C12orf75: variants seen among roughly 807,000 people sequenced by gnomAD.
C12orf75 encodes the protein chromosome 12 open reading frame 75, also known as overexpressed in colon carcinoma 1 protein.
A neutral mutation model predicts 11.4 loss-of-function variants in C12orf75; 4 were observed. That is an observed-to-expected ratio of 0.35 (90% CI 0.17 to 0.80). The LOEUF is 0.80. C12orf75 is among the 30% of genes least tolerant of loss of function. C12orf75 has a pLI of 0.52. For missense variants in C12orf75, 89 were observed against 80.4 expected, an observed-to-expected ratio of 1.11 and a Z score of -0.41; for synonymous variants, 30 against 30.0, an observed-to-expected ratio of 1.00 and a Z score of 0.00.
intron 1 of C12orf75, among the ~76,000 whole-genome samples, chr12:105,339,556 T>C (rs1428728652): frequency 6.6e-6 from 1 of 152,194 alleles, no homozygotes; most frequent in Non-Finnish European, 1.5e-5. Context: ...CTAGAGTCTA[T>C]ATAGTATGGT....
In C12orf75 at chr12:105,359,137, A is replaced by G. The variant is rs1311649478; in HGVS notation, c.72-6670A>G. The stretch of plus-strand genomic sequence containing the variant: ...TGCGTCGGCACCAACGTTTGACTCC[A>G]TGGTTGTGAAATTGAAGAAGTCGTG... On this transcript the variant is annotated intron_variant, in intron 2 of 5. Coordinates refer to ENST00000443585, the MANE Select transcript of C12orf75 (RefSeq NM_001145199.2). 3.9e-5 allele frequency among the ~76,000 whole-genome samples: 6 copies of G among 152,136 alleles called. No homozygotes were observed. In the East Asian group the frequency reaches 7.7e-4, roughly 20 times the overall value.
chr12:105,368,721 C>G (rs11112492), intron 5 of C12orf75, among the ~76,000 whole-genome samples: 27,433 of 152,074 alleles, frequency 0.18, 2,737 homozygotes, highest in Non-Finnish European at 0.22. Flanking sequence ...AACAAACTTA[C>G]CTGCTAGAGA....
chr12:105,335,957 G>A (rs905534966), intron 1 of C12orf75, among the ~76,000 whole-genome samples: 6 of 152,264 alleles, frequency 3.9e-5, no homozygotes, highest in Admixed American at 1.3e-4. Flanking sequence ...GCAATTGAGT[G>A]AAGAAAATAG....
chr12:105,344,162 C>T (rs950623748), intron 1 of C12orf75, among the ~76,000 whole-genome samples: 2 of 152,208 alleles, frequency 1.3e-5, no homozygotes, highest in African/African-American at 4.8e-5. Flanking sequence ...GAATGCACAA[C>T]ATGTGGCCAT....
At chr12:105,363,714 ACT>A (rs1892905717) in intron 2 of C12orf75, among the ~76,000 whole-genome samples, 1 of 145,298 alleles carries the variant, frequency 6.9e-6, no homozygotes, top group Non-Finnish European at 1.5e-5. Flanking sequence ...ACAGAGCAAG[ACT>A]CTGTCTTAAT....
Position 105,370,819 on chromosome 12 carries a change from T to G in C12orf75, c.*219T>G. 2 of 408,350 alleles carry G rather than the reference T, an allele frequency of 4.9e-6. No individual in the cohort carries two copies. Among genetic ancestry groups the G allele is most frequent in the Non-Finnish European group, 1.0e-5 (2 of 199,606 alleles). 25.3% of individuals were successfully genotyped at this position (408,350 alleles called of 1,614,324 possible). A position where few individuals can be genotyped will look rare whatever the true frequency, so the allele number is the denominator to read the frequency against. On this transcript the variant is annotated 3_prime_UTR_variant, in exon 6 of 6. Transcript: ENST00000443585. ...GAATTGGTTAAACAGTACACTTGTTTATGGAACTTTCTGTGGCCACCTACG... is the reference window on the plus strand; with the variant it reads ...GAATTGGTTAAACAGTACACTTGTTGATGGAACTTTCTGTGGCCACCTACG...
intron 5 of C12orf75, among the ~76,000 whole-genome samples, chr12:105,368,894 G>C (rs747395115): frequency 4.7e-4 from 72 of 152,162 alleles, no homozygotes; most frequent in Non-Finnish European, 2.1e-4. Context: ...GAGGTCACTG[G>C]AGAGTTTCTA....
At chr12:105,344,002 T>A (rs1892605681) in intron 1 of C12orf75, among the ~76,000 whole-genome samples, 1 of 152,154 alleles carries the variant, frequency 6.6e-6, no homozygotes. Context: ...TTGACTTTGT[T>A]TTAAATGGTG....
intron 1 of C12orf75, among the ~76,000 whole-genome samples, chr12:105,346,823 G>A (rs1326066061): frequency 6.6e-6 from 1 of 152,162 alleles, no homozygotes; most frequent in Non-Finnish European, 1.5e-5. Flanking sequence ...TTACTTTGTA[G>A]CACATCTTCC....
rs566196213 is a variant in C12orf75 at position 105,343,213 on chromosome 12, A to G, written c.47-5389A>G. Among the ~76,000 whole-genome samples, 5 of 152,198 alleles carry G rather than the reference A, an allele frequency of 3.3e-5. No individual in the cohort carries two copies. In the South Asian group the frequency reaches 6.2e-4, roughly 19 times the overall value. ...CCCTCCAAATTATAATAGTCTCTCT[A>G]TATTTTTTGGTGTGTTTTTTTTCCC... is the stretch of plus-strand genomic sequence containing the variant. On this transcript the variant is annotated intron_variant, in intron 1 of 5. Coordinates refer to ENST00000443585, the MANE Select transcript of C12orf75 (RefSeq NM_001145199.2).
At chr12:105,350,513 A>G (rs1892698832) in intron 2 of C12orf75, among the ~76,000 whole-genome samples, 1 of 152,098 alleles carries the variant, frequency 6.6e-6, no homozygotes, top group South Asian at 2.1e-4. Context: ...TAGAAATGAC[A>G]TCTGTTCTGT....
intron 4 of C12orf75, among the ~76,000 whole-genome samples, chr12:105,367,096 A>G (rs1871499566): frequency 6.6e-6 from 1 of 152,216 alleles, no homozygotes. Context: ...GTATAATTAA[A>G]TGAAATGAGG....
intron 2 of C12orf75, among the ~76,000 whole-genome samples, chr12:105,355,450 G>A (rs1892768198): frequency 6.6e-6 from 1 of 152,210 alleles, no homozygotes. Context: ...TTACAGGTGT[G>A]TGCCACTGCA....
rs34772007 is a variant in C12orf75 at position 105,332,735 on chromosome 12, T to TAA, written c.46+1812_46+1813dup. On this transcript the variant is annotated intron_variant, in intron 1 of 5. Transcript: ENST00000443585. ...AACAAGAGTGGAACTCCGCTCCATCTAAAAAAAAAAAAAAAGAAAAGAAAA... is the reference window on the plus strand; with the variant it reads ...AACAAGAGTGGAACTCCGCTCCATCTAAAAAAAAAAAAAAAAAGAAAAGAAAA... Among the ~76,000 whole-genome samples the TAA allele has an allele frequency of 6.3e-4, 88 of 138,968 alleles. 2 individuals are homozygous for TAA. Among genetic ancestry groups the TAA allele is most frequent in the East Asian group, 1.9e-3 (9 of 4,784 alleles). The allele number at this position is 138,968 out of a possible 152,430, so 91.2% of individuals were successfully genotyped here.
chr12:105,367,233 C>A (rs935442674), intron 4 of C12orf75, among the ~76,000 whole-genome samples: 1 of 152,168 alleles, frequency 6.6e-6, no homozygotes, highest in Non-Finnish European at 1.5e-5. Flanking sequence ...ATTTATAAAA[C>A]CACTGTACAA....
At chr12:105,367,437 C>G (rs778105595) in intron 4 of C12orf75, 35 bp from the exon 5 acceptor site, 4 of 743,686 alleles carry the variant, frequency 5.4e-6, no homozygotes, top group Non-Finnish European at 8.6e-6. Flanking sequence ...TATTTATAAT[C>G]TGAACATTTA....
intron 1 of C12orf75, among the ~76,000 whole-genome samples, chr12:105,339,943 G>C (rs112055461): frequency 7.2e-4 from 110 of 152,074 alleles, no homozygotes; most frequent in African/African-American, 2.6e-3. Context: ...AAAGATAAAA[G>C]TATGTTCTTC....
chr12:105,339,401 T>G (rs1270891621), intron 1 of C12orf75, among the ~76,000 whole-genome samples: 2 of 151,722 alleles, frequency 1.3e-5, no homozygotes, highest in Non-Finnish European at 1.5e-5. Flanking sequence ...TATTTTTTTT[T>G]TTTTTTTACA....
chr12:105,330,962 C>G (rs1892414499), intron 1 of C12orf75, 25 bp downstream of exon 1: 3 of 1,021,394 alleles, frequency 2.9e-6, no homozygotes, highest in Non-Finnish European at 3.8e-6. Context: ...AGGCGGGGGC[C>G]GGCGGGGGCG....
Sources: allele counts gnomAD v4.1 joint callset (sites outside exome capture counted in the v4.1 genomes callset), GRCh38; gene constraint gnomAD v4.1.1; transcripts MANE v1.5; gene names NCBI Gene and HGNC (gene_info 2026-07-23, HGNC 2026-07-21).